The following ITGA9 variants were observed in gnomAD, a reference collection of about 807,000 sequenced individuals.
ITGA9 encodes the protein integrin subunit alpha 9, also known as integrin alpha-9.
A neutral mutation model predicts 127.8 loss-of-function variants in ITGA9; 56 were observed. The ratio of observed to expected loss-of-function variants is 0.44; its 90% CI spans 0.35 to 0.55. The LOEUF (loss-of-function observed/expected upper bound fraction) is 0.55. ITGA9 is among the 20% of genes least tolerant of loss of function. The pLI, the probability that ITGA9 is intolerant of heterozygous loss-of-function variation, is 0.00. For synonymous variants in ITGA9, 508 were observed against 514.5 expected (o/e 0.99, Z 0.17); for missense variants, 1,196 against 1,347.1 (o/e 0.89, Z 1.76).
intron 15 of ITGA9, among the ~76,000 whole-genome samples, chr3:37,557,381 G>A (rs1001627548): frequency 2.0e-5 from 3 of 152,126 alleles, no homozygotes; most frequent in Non-Finnish European, 4.4e-5. Context: ...CGCTGTGTGC[G>A]GCAGAAAGGA....
intron 15 of ITGA9, among the ~76,000 whole-genome samples, chr3:37,568,987 T>G (rs1262054406): frequency 6.6e-6 from 1 of 152,216 alleles, no homozygotes; most frequent in Non-Finnish European, 1.5e-5. Context: ...TTTACTGTAT[T>G]AGTCCGTTTT....
chr3:37,547,267 G>T (rs1198685324), intron 15 of ITGA9, among the ~76,000 whole-genome samples: 6 of 152,228 alleles, frequency 3.9e-5, no homozygotes, highest in African/African-American at 7.2e-5. Flanking sequence ...TCATAAGATT[G>T]TTCTTCTATG....
Position 37,725,364 on chromosome 3 carries a change from A to G in ITGA9, c.2068-7348A>G, listed in dbSNP as rs895705732. Reference sequence around the variant, plus strand: ...GGTATAGTGTGAATCTAGTACATGGAAGAGAATGTCTTGACAGCTGGGGTC... The same window carrying G: ...GGTATAGTGTGAATCTAGTACATGGGAGAGAATGTCTTGACAGCTGGGGTC... On this transcript the variant is annotated intron_variant, in intron 18 of 27. Transcript: ENST00000264741. Among the ~76,000 whole-genome samples, 9 of 152,220 alleles carry G rather than the reference A, an allele frequency of 5.9e-5. No individual in the cohort carries two copies. In the East Asian group the frequency reaches 1.7e-3, roughly 29 times the overall value.
At chr3:37,683,503 A>C (rs1184986837) in intron 17 of ITGA9, among the ~76,000 whole-genome samples, 1 of 152,194 alleles carries the variant, frequency 6.6e-6, no homozygotes, top group Non-Finnish European at 1.5e-5. Flanking sequence ...CTACTTCCCT[A>C]GCACGGAGTA....
At chr3:37,716,276 C>T (rs1049316323) in intron 18 of ITGA9, among the ~76,000 whole-genome samples, 1 of 152,076 alleles carries the variant, frequency 6.6e-6, no homozygotes, top group Non-Finnish European at 1.5e-5. Flanking sequence ...CTGGATGGAG[C>T]TCCATGATGT....
At chr3:37,795,682 G>A (rs925551929) in intron 26 of ITGA9, among the ~76,000 whole-genome samples, 1 of 152,064 alleles carries the variant, frequency 6.6e-6, no homozygotes, top group Non-Finnish European at 1.5e-5. Flanking sequence ...CCCTTCACTG[G>A]CCAGAGCTCC....
At chr3:37,582,220 A>C (rs1308369622) in intron 15 of ITGA9, among the ~76,000 whole-genome samples, 1 of 152,260 alleles carries the variant, frequency 6.6e-6, no homozygotes, top group Non-Finnish European at 1.5e-5. Context: ...AGTGTTTGGC[A>C]AGTCTCTAAA....
chr3:37,804,277 A>G (rs974052660), intron 27 of ITGA9, among the ~76,000 whole-genome samples: 1 of 152,222 alleles, frequency 6.6e-6, no homozygotes, highest in African/African-American at 2.4e-5. Context: ...ATTTGCTTAA[A>G]AAAGATCAGA....
chr3:37,490,025 C>T (rs2019749), intron 4 of ITGA9, among the ~76,000 whole-genome samples: 63,992 of 142,240 alleles, frequency 0.45, 14,119 homozygotes, highest in East Asian at 0.58. Context: ...CTAATTCCAA[C>T]TGGCTGTTTT....
intron 15 of ITGA9, among the ~76,000 whole-genome samples, chr3:37,615,938 G>A (rs1700070023): frequency 6.6e-6 from 1 of 151,990 alleles, no homozygotes; most frequent in Non-Finnish European, 1.5e-5. Flanking sequence ...TGATTTTTTT[G>A]AAGGGTTTTT....
chr3:37,722,107 T>A lies in ITGA9; in HGVS notation c.2068-10605T>A, dbSNP rs1003898237. Among the ~76,000 whole-genome samples the A allele has an allele frequency of 1.3e-5, 2 of 151,454 alleles. 1 individual carries two copies. The highest frequency in any genetic ancestry group is 3.9e-4 in the East Asian group (2 of 5,120). On this transcript the variant is annotated intron_variant, in intron 18 of 27. Coordinates refer to ENST00000264741, the MANE Select transcript of ITGA9 (RefSeq NM_002207.3). The stretch of plus-strand genomic sequence containing the variant: ...TCTGGTTGGTTTCTGGAACTCACCA[T>A]GCCTTTCCCCACACATGCTGGTTCT...
Position 37,637,429 on chromosome 3 carries a change from CTGTT to C in ITGA9, c.1839+8097_1839+8100del, listed in dbSNP as rs373424026. On this transcript the variant is annotated intron_variant, in intron 16 of 27. Transcript: ENST00000264741. Reference sequence around the variant, plus strand: ...GGGAGTTCACTCATGATTTGGCTCTCTGTTTGTCTGTTATTGGTGTATAAGAATG... The same window carrying C: ...GGGAGTTCACTCATGATTTGGCTCTCTGTCTGTTATTGGTGTATAAGAATG... Among the ~76,000 whole-genome samples the C allele has an allele frequency of 1.7e-4, 26 of 152,140 alleles. No individual in the cohort carries two copies. In the East Asian group the frequency reaches 2.5e-3, roughly 15 times the overall value.
chr3:37,574,616 T>C (rs1699635056), intron 15 of ITGA9, among the ~76,000 whole-genome samples: 1 of 152,256 alleles, frequency 6.6e-6, no homozygotes, highest in Non-Finnish European at 1.5e-5. Context: ...CTTCCTGCAT[T>C]GTCTCCTTTT....
At chr3:37,516,671 T>C (rs1414111894) in intron 9 of ITGA9, among the ~76,000 whole-genome samples, 1 of 152,140 alleles carries the variant, frequency 6.6e-6, no homozygotes, top group African/African-American at 2.4e-5. Context: ...AAAAGAAGAC[T>C]TGGTCATGAT....
At chr3:37,722,907 C>T (rs1701205987) in intron 18 of ITGA9, among the ~76,000 whole-genome samples, 1 of 152,192 alleles carries the variant, frequency 6.6e-6, no homozygotes, top group Admixed American at 6.5e-5. Flanking sequence ...CTTTTCAAAG[C>T]CACTATACTA....
intron 16 of ITGA9, among the ~76,000 whole-genome samples, chr3:37,647,575 T>C (rs1055977518): frequency 2.0e-5 from 3 of 152,064 alleles, no homozygotes; most frequent in African/African-American, 7.2e-5. Flanking sequence ...AATTTTTTCA[T>C]GCTACCTAAC....
chr3:37,470,916 G>C (rs1698423666), intron 1 of ITGA9, 91 bp from the exon 2 acceptor site: 1 of 1,352,712 alleles, frequency 7.4e-7, no homozygotes, highest in African/African-American at 1.4e-5. Context: ...AGCACTCAGA[G>C]AGCCCACCCG....
At chr3:37,652,693 A>G (rs952054448) in intron 16 of ITGA9, among the ~76,000 whole-genome samples, 1 of 152,130 alleles carries the variant, frequency 6.6e-6, no homozygotes, top group African/African-American at 2.4e-5. Context: ...TGGGGAAAAA[A>G]CTCACGAACA....
In ITGA9 at chr3:37,452,272, G is replaced by C; in HGVS notation, c.-103G>C. On this transcript the variant is annotated 5_prime_UTR_variant, in exon 1 of 28. Coordinates refer to ENST00000264741, the MANE Select transcript of ITGA9 (RefSeq NM_002207.3). The surrounding 1 kb of genome is among the most constrained non-coding windows in gnomAD (Gnocchi z 7.3). ...CGCATTCCGCCCGTGTCCAGGCGCA[G>C]AGCTCCCGCCCCGGGGAGCTTCCTG... 8.5e-6 allele frequency: 5 copies of C among 588,638 alleles called. No individual in the cohort carries two copies. Among genetic ancestry groups the C allele is most frequent in the Non-Finnish European group, 1.1e-5 (5 of 466,548 alleles). 36.5% of individuals were successfully genotyped at this position (588,638 alleles called of 1,614,324 possible).
Sources: gnomAD v4.1 joint callset for allele counts (sites outside exome capture counted in the v4.1 genomes callset) on GRCh38, gnomAD v4.1.1 for gene constraint, Gnocchi (gnomAD v3.1) non-coding constraint, MANE v1.5 for transcripts, NCBI Gene and HGNC (gene_info 2026-07-23, HGNC 2026-07-21) for gene names.